The following ZDHHC7 variants were observed in gnomAD, a reference collection of about 807,000 sequenced individuals.
ZDHHC7 encodes palmitoyltransferase ZDHHC7.
A neutral mutation model predicts 34.1 loss-of-function variants in ZDHHC7; 12 were observed. The observed-to-expected ratio is 0.35, with a 90% CI of 0.23 to 0.57. ZDHHC7 has a LOEUF of 0.57. Ranked by LOEUF, ZDHHC7 falls within the 20% of genes least tolerant of loss-of-function variation. The pLI, the probability that ZDHHC7 is intolerant of heterozygous loss-of-function variation, is 0.84. For missense variants in ZDHHC7, 388 were observed against 402.7 expected, an observed-to-expected ratio of 0.96 and a Z score of 0.31; for synonymous variants, 185 against 155.4, an observed-to-expected ratio of 1.19 and a Z score of -1.42.
chr16:84,991,411 G>C (rs563456147), intron 2 of ZDHHC7, among the ~76,000 whole-genome samples: 6 of 150,970 alleles, frequency 4.0e-5, no homozygotes, highest in East Asian at 2.0e-4. Flanking sequence ...TCAGCCTCCC[G>C]AGTAGCTGGG....
chr16:85,024,223 G>GT, the ZDHHC7 span, among the ~76,000 whole-genome samples: 112 of 122,328 alleles, frequency 9.2e-4, no homozygotes, highest in East Asian at 2.1e-3. Context: ...TGGTCTCAGA[G>GT]TTTTTTGTTT....
upstream of ZDHHC7, among the ~76,000 whole-genome samples, chr16:85,013,643 T>C (rs967914386): frequency 2.0e-5 from 3 of 152,232 alleles, no homozygotes; most frequent in Non-Finnish European, 4.4e-5. Context: ...ATATGAGATG[T>C]ACATGTTAAT....
chr16:85,003,735 A>C (rs1426046919), intron 1 of ZDHHC7, among the ~76,000 whole-genome samples: 1 of 152,192 alleles, frequency 6.6e-6, no homozygotes, highest in Non-Finnish European at 1.5e-5. Context: ...TAAAATACTT[A>C]ATCACTCTAC....
At chr16:84,997,021 G>A (rs1014768614) in intron 1 of ZDHHC7, among the ~76,000 whole-genome samples, 5 of 129,522 alleles carry the variant, frequency 3.9e-5, no homozygotes, top group African/African-American at 1.8e-4. Flanking sequence ...GCAAGACTCT[G>A]TCTCAAAAAA....
In ZDHHC7 at chr16:84,976,111, G is replaced by A. The variant is rs540769828; in HGVS notation, c.*232C>T. On this transcript the variant is annotated 3_prime_UTR_variant, in exon 8 of 8. Transcript: ENST00000313732. ...CCCCAGCTCTGCAGGAGGCCACGGCGTTTGGCTTCTTCGTGTGGCCACACA... is the reference window on the plus strand; with the variant it reads ...CCCCAGCTCTGCAGGAGGCCACGGCATTTGGCTTCTTCGTGTGGCCACACA... 9 of 558,452 alleles carry A rather than the reference G, an allele frequency of 1.6e-5. No homozygotes were observed. The highest frequency in any genetic ancestry group is 3.9e-5 in the African/African-American group (2 of 50,848). 34.6% of individuals were successfully genotyped at this position (558,452 alleles called of 1,614,324 possible). A position where few individuals can be genotyped will look rare whatever the true frequency, so the allele number is the denominator to read the frequency against.
rs561480231 is a variant in ZDHHC7, at chr16:85,002,479, A to C, written c.-103-6472T>G. ...CAAGTCTAGTCATAAGGAAAATATC[A>C]AACAAGTCCCAAGAGAAGAGCATCC... is the stretch of plus-strand genomic sequence containing the variant. On this transcript the variant is annotated intron_variant, in intron 1 of 7. Coordinates refer to ENST00000313732, the MANE Select transcript of ZDHHC7 (RefSeq NM_017740.3). Among the ~76,000 whole-genome samples the C allele has an allele frequency of 2.0e-5, 3 of 152,190 alleles. No homozygotes were observed. The East Asian group carries it at 5.8e-4, about 29-fold the overall frequency.
chr16:85,025,277 AAAAG>A, the ZDHHC7 span, among the ~76,000 whole-genome samples: 3 of 152,012 alleles, frequency 2.0e-5, no homozygotes, highest in Non-Finnish European at 4.4e-5. Flanking sequence ...TAAAAAAAAA[AAAAG>A]AGCCTAATCT....
At chr16:85,025,302 C>A in the ZDHHC7 span, among the ~76,000 whole-genome samples, 1 of 151,878 alleles carries the variant, frequency 6.6e-6, no homozygotes. Flanking sequence ...GAGACTGAAG[C>A]CAACTCAAAG....
intron 1 of ZDHHC7, among the ~76,000 whole-genome samples, chr16:85,007,235 C>A (rs532547931): frequency 6.6e-6 from 1 of 151,610 alleles, no homozygotes; most frequent in East Asian, 1.9e-4. Flanking sequence ...ATCAGCCTGG[C>A]CAACATGGTA....
chr16:85,024,570 T>G, the ZDHHC7 span, among the ~76,000 whole-genome samples: 1 of 152,218 alleles, frequency 6.6e-6, no homozygotes, highest in African/African-American at 2.4e-5. Flanking sequence ...CCAATAACTT[T>G]ACTGCTTCTC....
chr16:84,997,025 C>CAA (rs11314476), intron 1 of ZDHHC7, among the ~76,000 whole-genome samples: 3,735 of 107,586 alleles, frequency 0.035, 173 homozygotes, highest in African/African-American at 0.11. Flanking sequence ...GACTCTGTCT[C>CAA]AAAAAAAAAA....
At chr16:84,986,201 G>T (rs2072434824) in intron 3 of ZDHHC7, among the ~76,000 whole-genome samples, 1 of 152,218 alleles carries the variant, frequency 6.6e-6, no homozygotes, top group South Asian at 2.1e-4. Flanking sequence ...CAAGCTCAAG[G>T]TGGAGCGCTC....
At chr16:85,003,453 G>A (rs972374952) in intron 1 of ZDHHC7, among the ~76,000 whole-genome samples, 4 of 152,242 alleles carry the variant, frequency 2.6e-5, no homozygotes, top group South Asian at 2.1e-4. Flanking sequence ...AGCTGATGGC[G>A]ACTGCGCTCC....
At chr16:85,023,800 G>A in the ZDHHC7 span, among the ~76,000 whole-genome samples, 46 of 150,948 alleles carry the variant, frequency 3.0e-4, no homozygotes, top group Non-Finnish European at 6.1e-4. Context: ...TTGTATTTTT[G>A]GTAGAGACGG....
intron 1 of ZDHHC7, among the ~76,000 whole-genome samples, chr16:84,999,638 G>A (rs1407924260): frequency 6.6e-6 from 1 of 152,184 alleles, no homozygotes; most frequent in Non-Finnish European, 1.5e-5. Context: ...GATTCTATGT[G>A]TATGATATTC....
At chr16:85,024,938 G>A in the ZDHHC7 span, among the ~76,000 whole-genome samples, 1 of 152,174 alleles carries the variant, frequency 6.6e-6, no homozygotes, top group Admixed American at 6.5e-5. Flanking sequence ...CTGCTAAGCT[G>A]AGACAATATA....
In ZDHHC7 at chr16:84,974,856, T is replaced by C. The variant is rs1369773714; in HGVS notation, c.*1487A>G. ...GGCTCAGGTAGGTCCCTTTGTGGTTTTGCATCAGCAGTGGTAGAAGCCCTG... is the reference window on the plus strand; with the variant it reads ...GGCTCAGGTAGGTCCCTTTGTGGTTCTGCATCAGCAGTGGTAGAAGCCCTG... On this transcript the variant is annotated 3_prime_UTR_variant, in exon 8 of 8. Coordinates refer to ENST00000313732, the MANE Select transcript of ZDHHC7 (RefSeq NM_017740.3). 2.0e-5 allele frequency: 3 copies of C among 152,682 alleles called. No individual in the cohort carries two copies. The East Asian group carries it at 5.8e-4, about 29-fold the overall frequency. 9.5% of individuals were successfully genotyped at this position (152,682 alleles called of 1,614,324 possible). A position where few individuals can be genotyped will look rare whatever the true frequency, so the allele number is the denominator to read the frequency against.
chr16:85,012,985 G>C (rs1027259029), upstream of ZDHHC7, among the ~76,000 whole-genome samples: 3 of 152,112 alleles, frequency 2.0e-5, no homozygotes, highest in African/African-American at 7.2e-5. Context: ...TTCAGCTGAA[G>C]GCAATTAAGA....
At chr16:84,977,318 T>C in intron 6 of ZDHHC7, 93 bp from the exon 7 acceptor site, 9 of 1,506,718 alleles carry the variant, frequency 6.0e-6, no homozygotes, top group Non-Finnish European at 8.1e-6. Context: ...GGCCAGCCCC[T>C]GGCCAGCTTC....
Sources: gnomAD v4.1 joint callset for allele counts (sites outside exome capture counted in the v4.1 genomes callset) on GRCh38, gnomAD v4.1.1 for gene constraint, MANE v1.5 for transcripts, NCBI Gene and HGNC (gene_info 2026-07-23, HGNC 2026-07-21) for gene names.